Variants in NECAB2 observed in about 807,000 individuals in gnomAD.
NECAB2 encodes the protein N-terminal EF-hand calcium binding protein 2.
In NECAB2, 68 loss-of-function variants were observed where a neutral mutation model predicts 51.9. The observed-to-expected ratio is 1.31, with a 90% CI of 1.08 to 1.60. The LOEUF is 1.60. Among genes scored for constraint, NECAB2 ranks in the 40% most tolerant of loss-of-function variants. NECAB2 has a pLI of 0.00. For synonymous variants in NECAB2, 329 were observed against 203.5 expected (o/e 1.62, Z -5.25); for missense variants, 854 against 490.3 (o/e 1.74, Z -7.00).
At chr16:84,000,676 G>T (rs1433248349) in intron 10 of NECAB2, 48 bp from the exon 11 acceptor site, 2 of 1,565,314 alleles carry the variant, frequency 1.3e-6, no homozygotes, top group Non-Finnish European at 1.8e-6. Flanking sequence ...CACTGAGGTG[G>T]CCTTGGTTGA....
rs1184529331 is a variant in NECAB2 at position 84,001,942 on chromosome 16, A to C, written c.1132+26A>C. Reference sequence around the variant, plus strand: ...GTAGGGGGCAAAGGCCTGGAACTGCAGTGGCCACCTGACTGGAGAGAAGGG... The same window carrying C: ...GTAGGGGGCAAAGGCCTGGAACTGCCGTGGCCACCTGACTGGAGAGAAGGG... On this transcript the variant is annotated intron_variant, in intron 12 of 12. Coordinates refer to ENST00000305202, the MANE Select transcript of NECAB2 (RefSeq NM_019065.3). 6 of 1,607,318 alleles carry C rather than the reference A, an allele frequency of 3.7e-6. No homozygotes were observed. In the African/African-American group the frequency reaches 4.0e-5, roughly 11 times the overall value.
chr16:83,981,202 T>G (rs1461726768), intron 5 of NECAB2, 75 bp downstream of exon 5: 2 of 1,396,430 alleles, frequency 1.4e-6, no homozygotes, highest in Non-Finnish European at 2.0e-6. Context: ...TAAGGATGCC[T>G]GGATTTTTGA....
chr16:83,989,968 G>A (rs540058784), intron 5 of NECAB2, among the ~76,000 whole-genome samples: 83 of 152,170 alleles, frequency 5.5e-4, no homozygotes, highest in Non-Finnish European at 1.0e-3. Flanking sequence ...ATTTTCCTTA[G>A]TAGCAGCCTG....
chr16:83,999,283 C>T lies in NECAB2; in HGVS notation c.962+966C>T, dbSNP rs115399563. 3.4e-3 allele frequency among the ~76,000 whole-genome samples: 512 copies of T among 152,226 alleles called. 2 individuals are homozygous for T. The highest frequency in any genetic ancestry group is 0.012 in the African/African-American group (495 of 41,528). On this transcript the variant is annotated intron_variant, in intron 10 of 12. Coordinates refer to ENST00000305202, the MANE Select transcript of NECAB2 (RefSeq NM_019065.3). ...GTAGCCAGGATGGGGGGGCAGGACC[C>T]ACTCCACTCCAGGAGGACAGACTGC...
Position 84,002,698 on chromosome 16 carries a change from AGTCATGCCCCT to A in NECAB2, c.*355_*365del, listed in dbSNP as rs2084863571. 1 of 342,020 alleles carries A rather than the reference AGTCATGCCCCT, an allele frequency of 2.9e-6. No homozygotes were observed. Among genetic ancestry groups the A allele is most frequent in the Admixed American group, 3.8e-5 (1 of 26,192 alleles). The allele number at this position is 342,020 out of a possible 1,614,324, so 21.2% of individuals were successfully genotyped here. A position where few individuals can be genotyped will look rare whatever the true frequency, so the allele number is the denominator to read the frequency against. ...CGGTGACATTCTTCTACCTAGTAGGAGTCATGCCCCTGTAGTGCCCAACCTAGCCAGGTAGC... is the reference window on the plus strand; with the variant it reads ...CGGTGACATTCTTCTACCTAGTAGGAGTAGTGCCCAACCTAGCCAGGTAGC... On this transcript the variant is annotated 3_prime_UTR_variant, in exon 13 of 13. Transcript: ENST00000305202.
intron 10 of NECAB2, among the ~76,000 whole-genome samples, chr16:83,998,946 A>C (rs1375126999): frequency 6.6e-6 from 1 of 152,168 alleles, no homozygotes; most frequent in Non-Finnish European, 1.5e-5. Flanking sequence ...AGAAGACAAC[A>C]GCCCTTTGTT....
chr16:83,990,504 G>C lies in NECAB2; in HGVS notation c.470G>C (p.Gly157Ala), dbSNP rs1043077031. The C allele has an allele frequency of 6.2e-7, 1 of 1,614,078 alleles. No individual in the cohort carries two copies. The highest frequency in any genetic ancestry group is 8.5e-7 in the Non-Finnish European group (1 of 1,180,030). The change falls in exon 6 of 13, where the codon GGT becomes GCT. Residue 157 changes from glycine to alanine, a missense_variant. By Grantham distance (60) the Gly-to-Ala change is moderately conservative. Transcript: ENST00000305202. ...AMGYTKKVYE[G>A]GSNVDQFVTR... ...CTCTTCCTTCCACAGGTATATGAGG[G>C]TGGGAGCAACGTGGACCAGTTTGTG...
Position 83,990,555 on chromosome 16 carries a change from C to G in NECAB2, c.521C>G (p.Ala174Gly). 2 of 1,614,142 alleles carry G rather than the reference C, an allele frequency of 1.2e-6. No individual in the cohort carries two copies. Among genetic ancestry groups the G allele is most frequent in the Non-Finnish European group, 1.7e-6 (2 of 1,180,028 alleles). ...ACCCGCTTCCTCCTGAAGGAGACGG[C>G]CAATCAGATCCAGTCGCTGCTGAGC... ...FVTRFLLKETANQIQSLLSSV... is the reference protein window; with the variant it reads ...FVTRFLLKETGNQIQSLLSSV... Residue 174 changes from alanine (A) to glycine (G), a missense_variant, in exon 6 of 13, where the codon GCC becomes GGC. Coordinates refer to ENST00000305202, the MANE Select transcript of NECAB2 (RefSeq NM_019065.3).
intron 11 of NECAB2, among the ~76,000 whole-genome samples, chr16:84,001,546 C>A (rs1172789623): frequency 1.3e-5 from 2 of 152,080 alleles, no homozygotes; most frequent in African/African-American, 4.8e-5. Flanking sequence ...GGCCCCACTC[C>A]TCCTGCTAGG....
upstream of NECAB2, chr16:83,965,225 C>T: frequency 6.2e-7 from 1 of 1,612,908 alleles, no homozygotes; most frequent in South Asian, 1.1e-5. Context: ...GGACTCCAGC[C>T]CCCTCTTCCA....
intron 5 of NECAB2, among the ~76,000 whole-genome samples, chr16:83,985,654 C>T (rs2084543896): frequency 2.6e-5 from 4 of 151,544 alleles, no homozygotes; most frequent in Admixed American, 2.6e-4. Context: ...AAAAAAATTA[C>T]TGTTGGCGTT....
At chr16:83,988,088 T>A (rs972213656) in intron 5 of NECAB2, among the ~76,000 whole-genome samples, 4 of 152,240 alleles carry the variant, frequency 2.6e-5, no homozygotes, top group African/African-American at 9.6e-5. Flanking sequence ...TACACAGGCT[T>A]TTCTTCATAA....
chr16:83,965,971 C>T (rs773899623), upstream of NECAB2: 2 of 1,602,740 alleles, frequency 1.2e-6, no homozygotes, highest in Non-Finnish European at 1.7e-6. Context: ...CTGTGGCCAG[C>T]TCCCTGCTAA....
intron 6 of NECAB2, among the ~76,000 whole-genome samples, chr16:83,992,374 C>G (rs1408593037): frequency 8.1e-6 from 1 of 123,132 alleles, no homozygotes; most frequent in East Asian, 2.1e-4. Context: ...ACACGAGCAC[C>G]CGTCCCCCCG....
intron 9 of NECAB2, 108 bp downstream of exon 9, chr16:83,997,377 C>T (rs2084723318): frequency 9.9e-6 from 14 of 1,410,166 alleles, no homozygotes; most frequent in Non-Finnish European, 1.3e-5. Flanking sequence ...TGCTTGGGAC[C>T]ACCAGGAGGG....
intron 10 of NECAB2, among the ~76,000 whole-genome samples, chr16:83,999,189 G>A (rs1052928045): frequency 7.9e-5 from 12 of 152,206 alleles, no homozygotes; most frequent in African/African-American, 2.7e-4. Context: ...ACGAGGGGAG[G>A]AGTAGCCTGG....
chr16:84,002,367 G>C lies in NECAB2; in HGVS notation c.*21G>C. ...ACTGACAGCCTCCCAGAGGCCCGTG[G>C]AGGAGCCCACCAGCCCCTTCTTCTT... On this transcript the variant is annotated 3_prime_UTR_variant, in exon 13 of 13. Coordinates refer to ENST00000305202, the MANE Select transcript of NECAB2 (RefSeq NM_019065.3). 1 of 1,613,108 alleles carries C rather than the reference G, an allele frequency of 6.2e-7. No individual in the cohort carries two copies. Among genetic ancestry groups the C allele is most frequent in the African/African-American group, 1.3e-5 (1 of 74,694 alleles).
At chr16:83,980,523 C>T (rs1485407825) in intron 3 of NECAB2, among the ~76,000 whole-genome samples, 2 of 152,092 alleles carry the variant, frequency 1.3e-5, no homozygotes, top group African/African-American at 4.8e-5. Flanking sequence ...AGTAATGGGT[C>T]CCCACTCTCT....
Position 83,994,700 on chromosome 16 carries a change from C to T in NECAB2, c.795+12C>T, listed in dbSNP as rs1347231588. Reference sequence around the variant, plus strand: ...GGCTGGAGAGCAAAGTAAGCCCTGGCCTGACCACGGCGTCTACTCCTTCCA... The same window carrying T: ...GGCTGGAGAGCAAAGTAAGCCCTGGTCTGACCACGGCGTCTACTCCTTCCA... On this transcript the variant is annotated intron_variant, in intron 8 of 12. Coordinates refer to ENST00000305202, the MANE Select transcript of NECAB2 (RefSeq NM_019065.3). 1.2e-6 allele frequency: 2 copies of T among 1,613,832 alleles called. No individual in the cohort carries two copies. The highest frequency in any genetic ancestry group is 1.3e-5 in the African/African-American group (1 of 75,034).
Sources: allele counts gnomAD v4.1 joint callset (sites outside exome capture counted in the v4.1 genomes callset), GRCh38; gene constraint gnomAD v4.1.1; transcripts MANE v1.5; gene names NCBI Gene and HGNC (gene_info 2026-07-23, HGNC 2026-07-21).